The following IQCJ variants were observed in gnomAD, a reference collection of about 807,000 sequenced individuals.
IQCJ encodes IQ motif containing J.
A neutral mutation model predicts 11.0 loss-of-function variants in IQCJ; 9 were observed. That is an observed-to-expected ratio of 0.82 (90% confidence interval 0.49 to 1.43). IQCJ has a LOEUF of 1.43. Ranked by LOEUF, IQCJ falls within the 40% of genes most tolerant of loss-of-function variation. IQCJ has a pLI of 0.00. For synonymous variants in IQCJ, 55 were observed against 51.3 expected, an observed-to-expected ratio of 1.07 and a Z score of -0.31; for missense variants, 146 against 133.2, an observed-to-expected ratio of 1.10 and a Z score of -0.47.
At chr3:159,121,066 A>G (rs1296750221) in intron 1 of IQCJ, among the ~76,000 whole-genome samples, 1 of 152,066 alleles carries the variant, frequency 6.6e-6, no homozygotes, top group Non-Finnish European at 1.5e-5. Flanking sequence ...CTCCTTGGCC[A>G]TAACTATCCC....
Position 159,091,670 on chromosome 3 carries a change from GCATGCACACACACACACACACACA to G in IQCJ, c.9+22232_9+22255del, listed in dbSNP as rs1717313184. 9.6e-5 allele frequency among the ~76,000 whole-genome samples: 6 copies of G among 62,482 alleles called. No individual in the cohort carries two copies. The East Asian group carries it at 1.6e-3, about 16-fold the overall frequency. 41.0% of individuals were successfully genotyped at this position (62,482 alleles called of 152,430 possible). A position where few individuals can be genotyped will look rare whatever the true frequency, so the allele number is the denominator to read the frequency against. ...TTTACACACACACACACACACACAC[GCATGCACACACACACACACACACA>G]CACACACACACACACACACACGGCA... On this transcript the variant is annotated intron_variant, in intron 1 of 3. Transcript: ENST00000397832.
intron 1 of IQCJ, among the ~76,000 whole-genome samples, chr3:159,131,694 T>C (rs555772032): frequency 6.6e-6 from 1 of 152,316 alleles, no homozygotes; most frequent in Admixed American, 6.5e-5. Context: ...ACCTCTGCAC[T>C]CCTTTCATTA....
chr3:159,210,105 A>G (rs887633838), intron 1 of IQCJ, among the ~76,000 whole-genome samples: 2 of 152,212 alleles, frequency 1.3e-5, no homozygotes, highest in Admixed American at 6.5e-5. Context: ...CATGATCTGA[A>G]GGAAGCAGAG....
rs746078382 is a variant in IQCJ, at chr3:159,118,474, C to A, written c.9+49033C>A. ...TCCAGATACTTTTATAAACATCTTA[C>A]ATGTATCGGCTCATAAAATCTCCAA... On this transcript the variant is annotated intron_variant, in intron 1 of 3. Coordinates refer to ENST00000397832, the MANE Select transcript of IQCJ (RefSeq NM_001042706.3). Among the ~76,000 whole-genome samples, 2 of 152,194 alleles carry A rather than the reference C, an allele frequency of 1.3e-5. 1 individual carries two copies. Among genetic ancestry groups the A allele is most frequent in the Non-Finnish European group, 2.9e-5 (2 of 68,036 alleles).
At chr3:159,108,718 C>T (rs1264605982) in intron 1 of IQCJ, among the ~76,000 whole-genome samples, 1 of 152,214 alleles carries the variant, frequency 6.6e-6, no homozygotes, top group African/African-American at 2.4e-5. Flanking sequence ...AGACTGGGCA[C>T]AGCAGTAAAT....
At chr3:159,264,414 T>C (rs1728387975), downstream of IQCJ, among the ~76,000 whole-genome samples, 1 of 152,228 alleles carries the variant, frequency 6.6e-6, no homozygotes, top group Non-Finnish European at 1.5e-5. Context: ...TTCTACTTTA[T>C]TTAATTTAGC....
At chr3:159,171,933 G>C (rs143192804) in intron 1 of IQCJ, among the ~76,000 whole-genome samples, 1 of 152,266 alleles carries the variant, frequency 6.6e-6, no homozygotes, top group East Asian at 1.9e-4. Context: ...TTTGAGAGAT[G>C]CTGCTTTAAA....
intron 1 of IQCJ, among the ~76,000 whole-genome samples, chr3:159,169,279 C>CTTTTTT (rs141888128): frequency 5.9e-4 from 33 of 56,308 alleles, no homozygotes; most frequent in East Asian, 1.7e-3. Flanking sequence ...TTCTTTCTTT[C>CTTTTTT]TTTTTTTTTT....
At chr3:159,147,973 G>A (rs1156355318) in intron 1 of IQCJ, among the ~76,000 whole-genome samples, 3 of 152,196 alleles carry the variant, frequency 2.0e-5, no homozygotes, top group South Asian at 2.1e-4. Context: ...CATCAACAGC[G>A]CCTAGGCATA....
intron 1 of IQCJ, among the ~76,000 whole-genome samples, chr3:159,107,694 C>G (rs2108112774): frequency 6.6e-6 from 1 of 152,198 alleles, no homozygotes; most frequent in African/African-American, 2.4e-5. Flanking sequence ...TAAGGGCAAC[C>G]AATGAGCTAA....
chr3:159,118,007 T>C (rs537687366), intron 1 of IQCJ, among the ~76,000 whole-genome samples: 1 of 152,272 alleles, frequency 6.6e-6, no homozygotes, highest in African/African-American at 2.4e-5. Context: ...GTTTAAAAAA[T>C]AATTCCATAA....
chr3:159,262,082 C>A (rs1577124691), intron 3 of IQCJ, among the ~76,000 whole-genome samples: 1 of 152,230 alleles, frequency 6.6e-6, no homozygotes, highest in African/African-American at 2.4e-5. Flanking sequence ...TGGAGCTGTG[C>A]ACGGCAGAGT....
intron 1 of IQCJ, among the ~76,000 whole-genome samples, chr3:159,093,438 G>A (rs74386148): frequency 0.017 from 2,584 of 151,742 alleles, 143 homozygotes; most frequent in African/African-American, 0.057. Flanking sequence ...ACATCTTTTT[G>A]TCAAGATTTG....
intron 1 of IQCJ, among the ~76,000 whole-genome samples, chr3:159,234,095 T>C (rs1726432285): frequency 6.6e-6 from 1 of 152,192 alleles, no homozygotes; most frequent in Non-Finnish European, 1.5e-5. Flanking sequence ...CAGTTTAGAT[T>C]CTGGGATCAG....
intron 1 of IQCJ, among the ~76,000 whole-genome samples, chr3:159,188,383 C>T (rs1387940058): frequency 6.6e-6 from 1 of 152,182 alleles, no homozygotes; most frequent in Non-Finnish European, 1.5e-5. Flanking sequence ...ACACTCCAGC[C>T]TGGGCAACAA....
At chr3:159,175,856 G>GT (rs1722763668) in intron 1 of IQCJ, among the ~76,000 whole-genome samples, 1 of 152,112 alleles carries the variant, frequency 6.6e-6, no homozygotes, top group African/African-American at 2.4e-5. Flanking sequence ...AAGTTGCATG[G>GT]TAAGTATTTA....
At chr3:159,154,413 A>C (rs1721399609) in intron 1 of IQCJ, among the ~76,000 whole-genome samples, 2 of 152,178 alleles carry the variant, frequency 1.3e-5, no homozygotes, top group Admixed American at 1.3e-4. Flanking sequence ...AGAATAAAAT[A>C]TTTAAATTAT....
At chr3:159,140,003 T>A (rs1205766375) in intron 1 of IQCJ, among the ~76,000 whole-genome samples, 1 of 152,154 alleles carries the variant, frequency 6.6e-6, no homozygotes, top group Non-Finnish European at 1.5e-5. Flanking sequence ...AAATAGATAA[T>A]TTTTTATAGA....
rs567209646 is a variant in IQCJ, at chr3:159,234,281, G to C, written c.10-11562G>C. On this transcript the variant is annotated intron_variant, in intron 1 of 3. Transcript: ENST00000397832. ...ATTCATGCAACATGCCTGGAGCCTAGTAAAATTCAATTAATGTTAGTAGTA... is the reference window on the plus strand; with the variant it reads ...ATTCATGCAACATGCCTGGAGCCTACTAAAATTCAATTAATGTTAGTAGTA... 5.9e-5 allele frequency among the ~76,000 whole-genome samples: 9 copies of C among 152,284 alleles called. No individual in the cohort carries two copies. In the South Asian group the frequency reaches 1.0e-3, roughly 18 times the overall value.
Sources: gnomAD v4.1 joint callset for allele counts (sites outside exome capture counted in the v4.1 genomes callset) on GRCh38, gnomAD v4.1.1 for gene constraint, MANE v1.5 for transcripts, NCBI Gene and HGNC (gene_info 2026-07-23, HGNC 2026-07-21) for gene names.